The following TIAM2 variants were observed in gnomAD, a reference collection of about 807,000 sequenced individuals.
The protein encoded by TIAM2 is TIAM Rac1 associated GEF 2, also known as rho guanine nucleotide exchange factor TIAM2.
In TIAM2, 80 loss-of-function variants were observed where a neutral mutation model predicts 152.9. That is an observed-to-expected ratio of 0.52 (90% CI 0.44 to 0.63). TIAM2 has a LOEUF of 0.63. Among genes scored for constraint, TIAM2 ranks in the 30% least tolerant of loss-of-function variants. TIAM2 has a pLI of 0.00. For synonymous variants in TIAM2, 804 were observed against 838.0 expected (o/e 0.96, Z 0.70); for missense variants, 1,965 against 2,120.1 (o/e 0.93, Z 1.44).
At chr6:155,176,714 G>A (rs994634501) in intron 9 of TIAM2, 102 bp from the exon 10 acceptor site, 25 of 1,280,056 alleles carry the variant, frequency 2.0e-5, no homozygotes, top group Admixed American at 1.0e-4. Context: ...GCGTGTGAGC[G>A]TTTACTCTAA....
intron 1 of TIAM2, among the ~76,000 whole-genome samples, chr6:155,011,220 T>C (rs1778484858): frequency 1.3e-5 from 2 of 152,132 alleles, no homozygotes; most frequent in South Asian, 2.1e-4. Context: ...TCTTTACAAC[T>C]CCTCACTTTC....
chr6:155,047,348 T>G (rs773168429), intron 1 of TIAM2, among the ~76,000 whole-genome samples: 2 of 151,908 alleles, frequency 1.3e-5, no homozygotes, highest in Non-Finnish European at 2.9e-5. Flanking sequence ...CCCGGCTAAT[T>G]TTTATATTTT....
chr6:155,188,264 T>A, intron 14 of TIAM2, among the ~76,000 whole-genome samples: 1 of 152,224 alleles, frequency 6.6e-6, no homozygotes, highest in African/African-American at 2.4e-5. Flanking sequence ...ATGTTCCATT[T>A]GGCAAATCGC....
At chr6:155,221,140 C>A (rs77183238) in intron 15 of TIAM2, among the ~76,000 whole-genome samples, 3,129 of 70,676 alleles carry the variant, frequency 0.044, 68 homozygotes, top group African/African-American at 0.1. Context: ...AAAAAAAAAA[C>A]AAAAAAAAAC....
At chr6:155,166,600 C>T (rs561878152) in intron 9 of TIAM2, among the ~76,000 whole-genome samples, 4 of 152,176 alleles carry the variant, frequency 2.6e-5, no homozygotes, top group Non-Finnish European at 4.4e-5. Flanking sequence ...TGATTACAGG[C>T]GTGAGCCACC....
intron 5 of TIAM2, among the ~76,000 whole-genome samples, chr6:155,143,737 C>A (rs1481382716): frequency 6.6e-6 from 1 of 152,058 alleles, no homozygotes; most frequent in Non-Finnish European, 1.5e-5. Flanking sequence ...GGCTTTGGGG[C>A]CAGAGGGCCT....
chr6:155,076,482 A>G (rs946030337), intron 1 of TIAM2, among the ~76,000 whole-genome samples: 8 of 152,182 alleles, frequency 5.3e-5, no homozygotes, highest in African/African-American at 1.2e-4. Flanking sequence ...AAATTCTGCA[A>G]TTATGGCTTA....
chr6:155,111,488 A>G (rs1026454754), intron 2 of TIAM2, among the ~76,000 whole-genome samples: 6 of 152,242 alleles, frequency 3.9e-5, no homozygotes, highest in African/African-American at 1.4e-4. Context: ...ACAGTGGGAA[A>G]AAAATAGAAA....
chr6:155,079,682 C>T (rs1311578379), intron 1 of TIAM2, among the ~76,000 whole-genome samples: 1 of 152,224 alleles, frequency 6.6e-6, no homozygotes, highest in Non-Finnish European at 1.5e-5. Flanking sequence ...CACAGTGGCT[C>T]ACGCCTGTAA....
At chr6:155,027,215 G>A (rs370864068) in intron 1 of TIAM2, among the ~76,000 whole-genome samples, 4 of 151,124 alleles carry the variant, frequency 2.6e-5, no homozygotes, top group East Asian at 3.9e-4. Flanking sequence ...TAATAGAGAC[G>A]GGGTTTCACC....
intron 1 of TIAM2, among the ~76,000 whole-genome samples, chr6:155,029,689 A>C (rs1776783572): frequency 7.2e-6 from 1 of 138,550 alleles, no homozygotes; most frequent in African/African-American, 2.7e-5. Flanking sequence ...TTATATAACT[A>C]TATATAGAGA....
chr6:155,250,705 C>T, intron 21 of TIAM2: 2 of 1,309,364 alleles, frequency 1.5e-6, no homozygotes, highest in Non-Finnish European at 2.1e-6. Flanking sequence ...AAAATGCCTT[C>T]ACCTTTATGT....
chr6:155,232,667 G>A (rs1782531224), intron 15 of TIAM2: 1 of 152,196 alleles, frequency 6.6e-6, no homozygotes, highest in Non-Finnish European at 1.5e-5. Flanking sequence ...TCAGGATTCA[G>A]TCCAGGCCTA....
intron 2 of TIAM2, among the ~76,000 whole-genome samples, chr6:155,118,487 C>T (rs1489545874): frequency 7.1e-6 from 1 of 140,390 alleles, no homozygotes; most frequent in Non-Finnish European, 1.5e-5. Flanking sequence ...GGATGGAGTG[C>T]AGTGGCGTGA....
rs1455804963 is a variant in TIAM2 at position 155,114,044 on chromosome 6, T to A, written c.-117-13446T>A. On this transcript the variant is annotated intron_variant, in intron 2 of 26. Coordinates refer to ENST00000682666, the MANE Select transcript of TIAM2 (RefSeq NM_012454.4). The stretch of plus-strand genomic sequence containing the variant: ...TATATATATATATATATATTTTTTT[T>A]TTTTTCTTTTTTTTTTTTTTTTTTT... Among the ~76,000 whole-genome samples the A allele has an allele frequency of 3.9e-3, 216 of 55,618 alleles. 1 individual carries two copies. The highest frequency in any genetic ancestry group is 9.6e-3 in the African/African-American group (119 of 12,424). 36.5% of individuals were successfully genotyped at this position (55,618 alleles called of 152,430 possible).
intron 6 of TIAM2, among the ~76,000 whole-genome samples, chr6:155,145,034 A>G (rs1340767469): frequency 6.6e-6 from 1 of 152,160 alleles, no homozygotes; most frequent in African/African-American, 2.4e-5. Context: ...TCATTGGGAC[A>G]CAAAGAGAAA....
intron 4 of TIAM2, among the ~76,000 whole-genome samples, chr6:155,134,198 C>T (rs956541677): frequency 4.0e-5 from 6 of 151,844 alleles, no homozygotes; most frequent in Admixed American, 6.6e-5. Context: ...TAGTTTCATC[C>T]GCATAACAGA....
At chr6:155,232,966 G>C (rs1782555296) in intron 15 of TIAM2, 2 of 152,026 alleles carry the variant, frequency 1.3e-5, no homozygotes, top group Admixed American at 1.3e-4. Context: ...TTTTTTCTTA[G>C]ACTGAAAGTG....
chr6:155,118,697 T>C (rs1346495837), intron 2 of TIAM2, among the ~76,000 whole-genome samples: 2 of 151,866 alleles, frequency 1.3e-5, no homozygotes, highest in Admixed American at 6.6e-5. Context: ...GGCCTCTCAG[T>C]GTGTTGCGAT....
Sources: gnomAD v4.1 joint callset for allele counts (sites outside exome capture counted in the v4.1 genomes callset) on GRCh38, gnomAD v4.1.1 for gene constraint, MANE v1.5 for transcripts, NCBI Gene and HGNC (gene_info 2026-07-23, HGNC 2026-07-21) for gene names.